Variants in STAB2 observed in about 807,000 individuals in gnomAD.
STAB2 encodes stabilin-2.
In STAB2, 288 loss-of-function variants were observed where a neutral mutation model predicts 338.1. The ratio of observed to expected loss-of-function variants is 0.85; its 90% CI spans 0.77 to 0.94. The LOEUF (loss-of-function observed/expected upper bound fraction) is 0.94. STAB2 is among the 40% of genes least tolerant of loss of function. The pLI is 0.00. For synonymous variants in STAB2, 1,202 were observed against 1,193.3 expected, an observed-to-expected ratio of 1.01 and a Z score of -0.15; for missense variants, 3,141 against 3,210.1, an observed-to-expected ratio of 0.98 and a Z score of 0.52.
At chr12:103,610,176 T>C (rs866751099) in intron 3 of STAB2, among the ~76,000 whole-genome samples, 2 of 151,950 alleles carry the variant, frequency 1.3e-5, no homozygotes, top group African/African-American at 4.8e-5. Flanking sequence ...TGCCAGGCTT[T>C]GGTATCAGGA....
Position 103,670,800 on chromosome 12 carries a change from T to G in STAB2, c.2364T>G (p.Cys788Trp). The change falls in exon 22 of 69, where the codon TGT becomes TGG. Residue 788 changes from cysteine (C) to tryptophan (W), a missense_variant. Cys to Trp is a radical substitution (Grantham distance 215). Transcript: ENST00000388887. ...CSDPNKYGPR[C>W]NKKCLCVHGT... is the part of the protein sequence containing the mutation. ...ATCCCAATAAATACGGACCTCGGTG[T>G]AACAAAAGTAAGTGGCACTTCCAGA... 6.2e-7 allele frequency: 1 copy of G among 1,613,370 alleles called. No homozygotes were observed. Among genetic ancestry groups the G allele is most frequent in the Non-Finnish European group, 8.5e-7 (1 of 1,179,632 alleles).
intron 49 of STAB2, among the ~76,000 whole-genome samples, chr12:103,730,461 T>C (rs2139075066): frequency 6.6e-6 from 1 of 152,364 alleles, no homozygotes; most frequent in East Asian, 1.9e-4. Flanking sequence ...TTATATGTTT[T>C]TCTATAGCAT....
At chr12:103,693,581 T>A (rs1878140245) in intron 31 of STAB2, among the ~76,000 whole-genome samples, 1 of 152,158 alleles carries the variant, frequency 6.6e-6, no homozygotes, top group African/African-American at 2.4e-5. Context: ...TAATGCATCC[T>A]AAAAAGATGA....
At chr12:103,604,356 G>T (rs74468244) in intron 3 of STAB2, among the ~76,000 whole-genome samples, 3 of 151,910 alleles carry the variant, frequency 2.0e-5, no homozygotes, top group Admixed American at 2.0e-4. Flanking sequence ...TTTTGGAATC[G>T]GGATAATAAT....
intron 8 of STAB2, among the ~76,000 whole-genome samples, 154 bp downstream of exon 8, chr12:103,638,366 GA>G (rs1457488353): frequency 6.6e-6 from 1 of 152,174 alleles, no homozygotes; most frequent in African/African-American, 2.4e-5. Flanking sequence ...CTCAGAGCCT[GA>G]AATCAGTGCC....
At chr12:103,753,425 G>T (rs1271626539) in intron 61 of STAB2, 72 bp downstream of exon 61, 76 of 1,604,622 alleles carry the variant, frequency 4.7e-5, no homozygotes, top group Non-Finnish European at 6.4e-5. Flanking sequence ...TTCTTAAGAT[G>T]GGGAAGACTT....
chr12:103,728,499 G>A (rs181772404), intron 47 of STAB2, among the ~76,000 whole-genome samples: 8 of 152,332 alleles, frequency 5.3e-5, no homozygotes, highest in Non-Finnish European at 1.2e-4. Context: ...CTCCAAGAGG[G>A]CTATATACTA....
At chr12:103,643,821 G>A (rs946804608) in intron 9 of STAB2, among the ~76,000 whole-genome samples, 27 of 151,492 alleles carry the variant, frequency 1.8e-4, no homozygotes, top group Admixed American at 6.6e-4. Context: ...CCCCGACCGG[G>A]AGGGAGGTGG....
At chr12:103,673,867 C>T in intron 22 of STAB2, 40 bp from the exon 23 acceptor site, 2 of 1,583,798 alleles carry the variant, frequency 1.3e-6, no homozygotes, top group Middle Eastern at 1.9e-4. Flanking sequence ...TTGGCTTGTC[C>T]CCAAGGCCTG....
At chr12:103,625,517 C>A (rs1957367738) in intron 5 of STAB2, among the ~76,000 whole-genome samples, 2 of 152,172 alleles carry the variant, frequency 1.3e-5, no homozygotes, top group Non-Finnish European at 2.9e-5. Flanking sequence ...TCCTTCCCCC[C>A]ACCCACAACA....
intron 57 of STAB2, chr12:103,746,372 T>C (rs1380778324): frequency 2.4e-6 from 1 of 414,302 alleles, no homozygotes; most frequent in Non-Finnish European, 4.4e-6. Flanking sequence ...CTCATATAAA[T>C]CTCAATGACA....
Position 103,669,565 on chromosome 12 carries a change from T to A in STAB2, c.2197T>A (p.Tyr733Asn). 6.2e-7 allele frequency: 1 copy of A among 1,614,240 alleles called. No individual in the cohort carries two copies. Among genetic ancestry groups the A allele is most frequent in the Non-Finnish European group, 8.5e-7 (1 of 1,180,048 alleles). Residue 733 changes from tyrosine (Y) to asparagine (N), a missense_variant, in exon 21 of 69, where the codon TAT (tyrosine) becomes AAT (asparagine). Tyr to Asn is a moderately radical substitution (Grantham distance 143). Transcript: ENST00000388887. ...GATTCCAAAGTGCTGCAAAGGCTTC[T>A]ATGGACCTGACTGCAACCAGTGTCC... The part of the protein sequence containing the change: ...VKIPKCCKGF[Y>N]GPDCNQCPGG...
intron 47 of STAB2, among the ~76,000 whole-genome samples, chr12:103,728,334 TC>T (rs140575816): frequency 0.029 from 4,380 of 152,256 alleles, 82 homozygotes; most frequent in African/African-American, 0.044. Context: ...GGTCTCGAAC[TC>T]CTGGCCTCAA....
chr12:103,709,154 C>T (rs147127254), intron 39 of STAB2, among the ~76,000 whole-genome samples: 222 of 152,264 alleles, frequency 1.5e-3, no homozygotes, highest in Middle Eastern at 3.4e-3. Context: ...GACCACATCA[C>T]ATTGATTTTT....
chr12:103,612,116 C>T (rs1366194360), intron 3 of STAB2, among the ~76,000 whole-genome samples: 1 of 152,220 alleles, frequency 6.6e-6, no homozygotes, highest in African/African-American at 2.4e-5. Context: ...CTGCCCTTAA[C>T]ATTTTTTCCT....
chr12:103,629,853 A>G (rs1194256656), intron 5 of STAB2, among the ~76,000 whole-genome samples: 3 of 152,238 alleles, frequency 2.0e-5, no homozygotes, highest in African/African-American at 7.2e-5. Flanking sequence ...ATTTTTGGGC[A>G]TTAATCTCTA....
chr12:103,594,535 T>C, intron 3 of STAB2, 25 bp downstream of exon 3: 1 of 1,542,480 alleles, frequency 6.5e-7, no homozygotes, highest in Non-Finnish European at 9.0e-7. Context: ...GCTTGGACTT[T>C]GAGACTTGCT....
intron 3 of STAB2, among the ~76,000 whole-genome samples, chr12:103,596,952 C>CAAAA (rs35439238): frequency 1.6e-5 from 1 of 64,480 alleles, no homozygotes; most frequent in Non-Finnish European, 2.8e-5. Flanking sequence ...GACCCTATCT[C>CAAAA]AAAAAAAAAA....
chr12:103,591,816 G>A (rs182810863), intron 2 of STAB2, among the ~76,000 whole-genome samples: 22 of 152,332 alleles, frequency 1.4e-4, no homozygotes, highest in Admixed American at 1.1e-3. Flanking sequence ...AGGATGACAA[G>A]TGGTTCTGCT....
Sources: allele counts gnomAD v4.1 joint callset (sites outside exome capture counted in the v4.1 genomes callset), GRCh38; gene constraint gnomAD v4.1.1; transcripts MANE v1.5; gene names NCBI Gene and HGNC (gene_info 2026-07-23, HGNC 2026-07-21).